PALS2: variants seen among roughly 807,000 people sequenced by gnomAD.
PALS2 encodes the protein protein associated with LIN7 2, MAGUK p55 family member.
A neutral mutation model predicts 61.6 loss-of-function variants in PALS2; 27 were observed. That is an observed-to-expected ratio of 0.44 (90% CI 0.32 to 0.60). PALS2 has a LOEUF of 0.60. Among genes scored for constraint, PALS2 ranks in the 20% least tolerant of loss-of-function variants. The pLI is 0.05. For synonymous variants in PALS2, 236 were observed against 218.6 expected, an observed-to-expected ratio of 1.08 and a Z score of -0.70; for missense variants, 554 against 639.4, an observed-to-expected ratio of 0.87 and a Z score of 1.44.
intron 1 of PALS2, among the ~76,000 whole-genome samples, chr7:24,619,395 T>C (rs953456279): frequency 1.3e-5 from 2 of 152,110 alleles, no homozygotes; most frequent in Admixed American, 1.3e-4. Flanking sequence ...CTAGATTAAA[T>C]CTATTAATTT....
intron 5 of PALS2, among the ~76,000 whole-genome samples, chr7:24,652,506 C>T (rs561418972): frequency 3.3e-5 from 5 of 151,910 alleles, no homozygotes; most frequent in South Asian, 2.1e-4. Context: ...CTTATAAGTC[C>T]GAGGTAGCCT....
chr7:24,625,747 A>G (rs1282524656), intron 2 of PALS2, among the ~76,000 whole-genome samples: 1 of 152,222 alleles, frequency 6.6e-6, no homozygotes, highest in Non-Finnish European at 1.5e-5. Context: ...GTAAGGTGCT[A>G]CTGTACTCTT....
chr7:24,663,904 C>T (rs1786873291), intron 6 of PALS2, among the ~76,000 whole-genome samples, 183 bp downstream of exon 6: 1 of 152,162 alleles, frequency 6.6e-6, no homozygotes, highest in African/African-American at 2.4e-5. Flanking sequence ...GAATTTGCAA[C>T]TTAATAAGTG....
intron 2 of PALS2, among the ~76,000 whole-genome samples, chr7:24,640,422 C>T (rs1232257122): frequency 1.3e-5 from 2 of 152,152 alleles, no homozygotes; most frequent in African/African-American, 4.8e-5. Flanking sequence ...GTAAAAATAA[C>T]ATCTAAAGTA....
At chr7:24,679,452 T>C (rs1398813280) in intron 10 of PALS2, 119 bp downstream of exon 10, 4 of 905,018 alleles carry the variant, frequency 4.4e-6, no homozygotes, top group East Asian at 5.1e-5. Context: ...GGTGACTCCC[T>C]CCATTACCTT....
At chr7:24,604,937 C>T (rs1179614936) in intron 1 of PALS2, among the ~76,000 whole-genome samples, 1 of 152,186 alleles carries the variant, frequency 6.6e-6, no homozygotes, top group Admixed American at 6.5e-5. Context: ...CAGCCCCAGG[C>T]AAGAAGGCCA....
At chr7:24,602,660 C>T (rs1018484399) in intron 1 of PALS2, among the ~76,000 whole-genome samples, 23 of 152,178 alleles carry the variant, frequency 1.5e-4, no homozygotes, top group Admixed American at 8.5e-4. Flanking sequence ...TGTCTTTGGT[C>T]GAGAGGTACC....
chr7:24,641,925 T>G, intron 3 of PALS2, 57 bp downstream of exon 3: 1 of 1,534,982 alleles, frequency 6.5e-7, no homozygotes, highest in South Asian at 1.2e-5. Flanking sequence ...GTATTCTCCT[T>G]TACTTTCCAG....
At chr7:24,611,063 T>C (rs1477156937) in intron 1 of PALS2, among the ~76,000 whole-genome samples, 1 of 152,164 alleles carries the variant, frequency 6.6e-6, no homozygotes, top group Non-Finnish European at 1.5e-5. Flanking sequence ...AATATTAAAA[T>C]AGGCACGGCC....
intron 1 of PALS2, among the ~76,000 whole-genome samples, chr7:24,611,192 A>G (rs1583871583): frequency 6.6e-6 from 1 of 152,152 alleles, no homozygotes; most frequent in Non-Finnish European, 1.5e-5. Flanking sequence ...TAACACTTTT[A>G]TTACATTTCC....
chr7:24,656,362 C>G (rs1786417342), intron 5 of PALS2, among the ~76,000 whole-genome samples: 1 of 152,166 alleles, frequency 6.6e-6, no homozygotes, highest in Non-Finnish European at 1.5e-5. Context: ...TTCCTCAATA[C>G]TTTTACTGTT....
chr7:24,607,645 A>G (rs1783964488), intron 1 of PALS2, among the ~76,000 whole-genome samples: 1 of 150,022 alleles, frequency 6.7e-6, no homozygotes. Flanking sequence ...ATATGTATGT[A>G]TATGTATGCG....
At chr7:24,662,339 A>T (rs1441361356) in intron 5 of PALS2, among the ~76,000 whole-genome samples, 7 of 152,234 alleles carry the variant, frequency 4.6e-5, no homozygotes, top group Non-Finnish European at 1.0e-4. Flanking sequence ...ATGATAAACA[A>T]ATAGAAAAAG....
At chr7:24,657,463 A>G (rs539992459) in intron 5 of PALS2, among the ~76,000 whole-genome samples, 1 of 152,158 alleles carries the variant, frequency 6.6e-6, no homozygotes, top group African/African-American at 2.4e-5. Context: ...CTAATAACTA[A>G]TAATATTGAA....
intron 3 of PALS2, among the ~76,000 whole-genome samples, chr7:24,646,061 A>G (rs975251797): frequency 2.6e-5 from 4 of 152,038 alleles, no homozygotes; most frequent in East Asian, 1.9e-4. Context: ...GGCTGAGACT[A>G]TGGGGTTTTC....
rs2128041724 is a variant in PALS2 at position 24,691,863 on chromosome 7, A to G, written c.*4249A>G. The G allele has an allele frequency of 6.6e-6, 1 of 152,150 alleles. No homozygotes were observed. Among genetic ancestry groups the G allele is most frequent in the East Asian group, 1.9e-4 (1 of 5,178 alleles). The allele number at this position is 152,150 out of a possible 1,614,324, so 9.4% of individuals were successfully genotyped here. On this transcript the variant is annotated 3_prime_UTR_variant, in exon 12 of 12. Coordinates refer to ENST00000222644, the MANE Select transcript of PALS2 (RefSeq NM_001303037.2). ...CTGTAATGTATTTGGAATTTTTGGG[A>G]GAAATTCATTCTTTTAAATAATGGG... is the stretch of plus-strand genomic sequence containing the variant.
At chr7:24,652,561 G>A (rs977402949) in intron 5 of PALS2, among the ~76,000 whole-genome samples, 14 of 151,962 alleles carry the variant, frequency 9.2e-5, no homozygotes, top group East Asian at 1.9e-4. Flanking sequence ...ATAACATGAA[G>A]GCTTCCAAAA....
chr7:24,671,225 G>T (rs1403873944), intron 9 of PALS2, among the ~76,000 whole-genome samples: 1 of 152,156 alleles, frequency 6.6e-6, no homozygotes, highest in Non-Finnish European at 1.5e-5. Flanking sequence ...ATCCTAGTGG[G>T]TGTAAAGTTG....
At chr7:24,682,635 T>A (rs1416018470) in intron 11 of PALS2, among the ~76,000 whole-genome samples, 1 of 152,226 alleles carries the variant, frequency 6.6e-6, no homozygotes, top group Non-Finnish European at 1.5e-5. Flanking sequence ...AAGTGTTGTT[T>A]GATACATTTT....
Sources: gnomAD v4.1 joint callset for allele counts (sites outside exome capture counted in the v4.1 genomes callset) on GRCh38, gnomAD v4.1.1 for gene constraint, MANE v1.5 for transcripts, NCBI Gene and HGNC (gene_info 2026-07-23, HGNC 2026-07-21) for gene names.